The following NSD1 variants were observed in gnomAD, a reference collection of about 807,000 sequenced individuals.
NSD1 encodes nuclear receptor binding SET domain protein 1.
Under a neutral mutation model 242.7 loss-of-function variants are expected in NSD1, and 26 were observed. The observed-to-expected ratio is 0.11, with a 90% confidence interval of 0.08 to 0.15. The LOEUF (loss-of-function observed/expected upper bound fraction) is 0.15, where lower values mean the gene tolerates loss of function less well. Among genes scored for constraint, NSD1 ranks in the 10% least tolerant of loss-of-function variants. NSD1 has a pLI of 1.00. For synonymous variants in NSD1, 1,106 were observed against 1,178.1 expected, an observed-to-expected ratio of 0.94 and a Z score of 1.25; for missense variants, 2,495 against 3,272.8, an observed-to-expected ratio of 0.76 and a Z score of 5.80.
chr5:177,213,728 C>G (rs2149852756), intron 5 of NSD1, among the ~76,000 whole-genome samples: 1 of 152,304 alleles, frequency 6.6e-6, no homozygotes, highest in Non-Finnish European at 1.5e-5. Context: ...GCCTCCACCT[C>G]CCAAAGTGCT....
At chr5:177,234,844 C>T (rs1256471500) in intron 5 of NSD1, among the ~76,000 whole-genome samples, 2 of 152,322 alleles carry the variant, frequency 1.3e-5, no homozygotes, top group African/African-American at 2.4e-5. Flanking sequence ...AGAGGACTTC[C>T]TGGTTCCTAA....
At chr5:177,282,883 TTTTTA>T (rs1424683632) in intron 19 of NSD1, among the ~76,000 whole-genome samples, 1 of 152,228 alleles carries the variant, frequency 6.6e-6, no homozygotes, top group East Asian at 1.9e-4. Context: ...ACATAATTCT[TTTTTA>T]TTTTATTTTA....
At chr5:177,198,633 G>A (rs1213949470) in intron 3 of NSD1, among the ~76,000 whole-genome samples, 2 of 148,308 alleles carry the variant, frequency 1.3e-5, no homozygotes, top group African/African-American at 2.4e-5. Context: ...ACCAACATAT[G>A]GGGGGGTCAA....
intron 5 of NSD1, among the ~76,000 whole-genome samples, chr5:177,227,688 G>A (rs1304059597): frequency 6.6e-6 from 1 of 152,052 alleles, no homozygotes; most frequent in Non-Finnish European, 1.5e-5. Context: ...GATCCCGCTC[G>A]CCTTGGCCTC....
At chr5:177,256,252 T>C (rs1562264114) in intron 12 of NSD1, among the ~76,000 whole-genome samples, 1 of 151,332 alleles carries the variant, frequency 6.6e-6, no homozygotes, top group South Asian at 2.1e-4. Flanking sequence ...TTTCTACTTA[T>C]CTTTAACAAT....
chr5:177,280,247 G>A (rs1220943071), intron 17 of NSD1, among the ~76,000 whole-genome samples: 1 of 151,486 alleles, frequency 6.6e-6, no homozygotes, highest in East Asian at 1.9e-4. Flanking sequence ...AAAGTGCTGG[G>A]ATTACAGGCG....
chr5:177,223,544 C>T (rs1363595973), intron 5 of NSD1, among the ~76,000 whole-genome samples: 1 of 151,642 alleles, frequency 6.6e-6, no homozygotes, highest in African/African-American at 2.4e-5. Flanking sequence ...TAGCACTCTA[C>T]CCTGGGCGAC....
intron 9 of NSD1, among the ~76,000 whole-genome samples, chr5:177,244,564 A>G (rs907672308): frequency 1.3e-5 from 2 of 152,236 alleles, no homozygotes; most frequent in African/African-American, 4.8e-5. Flanking sequence ...TGAACAAGGT[A>G]GCAAGGTCAG....
chr5:177,270,277 GT>G (rs1372544697), intron 16 of NSD1, among the ~76,000 whole-genome samples: 2 of 152,164 alleles, frequency 1.3e-5, no homozygotes, highest in Admixed American at 1.3e-4. Context: ...TCAAAATAAA[GT>G]TTTGTAAACT....
chr5:177,153,312 G>A (rs1373226967), intron 2 of NSD1, among the ~76,000 whole-genome samples: 1 of 151,364 alleles, frequency 6.6e-6, no homozygotes, highest in Non-Finnish European at 1.5e-5. Flanking sequence ...CTTTCCAAAA[G>A]GATTTTACCA....
intron 17 of NSD1, among the ~76,000 whole-genome samples, chr5:177,277,403 C>T (rs1206154362): frequency 6.6e-6 from 1 of 152,120 alleles, no homozygotes; most frequent in East Asian, 1.9e-4. Flanking sequence ...TTTTATATTA[C>T]AGTGGCAGAG....
In NSD1 at chr5:177,154,209, G is replaced by A. The variant is rs1757945773; in HGVS notation, c.927+18179G>A. ...CCCGGAGTGAGTGATCCAAGAGACA[G>A]GGACAGACCAAGCAGGAAGATGCAG... is the stretch of plus-strand genomic sequence containing the variant. On this transcript the variant is annotated intron_variant, in intron 2 of 22. Transcript: ENST00000439151. Among the ~76,000 whole-genome samples, 2 of 151,984 alleles carry A rather than the reference G, an allele frequency of 1.3e-5. 1 individual carries two copies. The highest frequency in any genetic ancestry group is 1.3e-4 in the Admixed American group (2 of 15,204).
intron 5 of NSD1, among the ~76,000 whole-genome samples, chr5:177,216,333 GA>G (rs1394318658): frequency 1.3e-5 from 2 of 151,908 alleles, no homozygotes; most frequent in African/African-American, 4.8e-5. Context: ...AAGTTAATGT[GA>G]TTTTTTTTTT....
intron 2 of NSD1, among the ~76,000 whole-genome samples, chr5:177,158,247 T>TTCTC (rs1168578122): frequency 7.3e-5 from 5 of 68,616 alleles, no homozygotes; most frequent in African/African-American, 2.8e-4. Flanking sequence ...ATTTCTTTCT[T>TTCTC]TCTTTCTTTC....
chr5:177,179,301 C>T (rs1055089305), intron 2 of NSD1, among the ~76,000 whole-genome samples: 6 of 152,226 alleles, frequency 3.9e-5, no homozygotes, highest in South Asian at 2.1e-4. Flanking sequence ...CCATAACCTC[C>T]GCCTCCTGGG....
At chr5:177,258,012 CT>C (rs1283882213) in intron 13 of NSD1, among the ~76,000 whole-genome samples, 2 of 98,854 alleles carry the variant, frequency 2.0e-5, no homozygotes, top group Non-Finnish European at 3.9e-5. Context: ...TGGAGTTTCG[CT>C]TTTGTTGCCT....
At chr5:177,240,644 C>T (rs949657075) in intron 8 of NSD1, among the ~76,000 whole-genome samples, 4 of 152,042 alleles carry the variant, frequency 2.6e-5, no homozygotes, top group Admixed American at 2.0e-4. Context: ...ACCCAGGAGG[C>T]GGAGCTTGCA....
In NSD1 at chr5:177,280,790, T is replaced by G. The variant is rs1300455404; in HGVS notation, c.5848T>G (p.Leu1950Val). 2 of 1,614,230 alleles carry G rather than the reference T, an allele frequency of 1.2e-6. No homozygotes were observed. ...TCCAGAGGTTGAAATTTTCCGCACA[T>G]TACAGCGGGGTTGGGGTCTACGGAC... is the stretch of plus-strand genomic sequence containing the variant. ...QYPEVEIFRT[L>V]QRGWGLRTKT... is the part of the protein sequence containing the mutation. The change falls in exon 18 of 23, where the codon TTA becomes GTA. Residue 1950 changes from leucine to valine, a missense_variant. Transcript: ENST00000439151.
intron 14 of NSD1, among the ~76,000 whole-genome samples, chr5:177,262,832 G>A (rs186068270): frequency 3.9e-5 from 6 of 152,304 alleles, no homozygotes; most frequent in Admixed American, 2.0e-4. Context: ...AATGGAAACC[G>A]ATAGCTTATC....
Sources: gnomAD v4.1 joint callset for allele counts (sites outside exome capture counted in the v4.1 genomes callset) on GRCh38, gnomAD v4.1.1 for gene constraint, MANE v1.5 for transcripts, NCBI Gene and HGNC (gene_info 2026-07-23, HGNC 2026-07-21) for gene names.